Variants in CYB5R1 observed in about 807,000 individuals in gnomAD.
CYB5R1 encodes the protein NADH-cytochrome b5 reductase 1.
CYB5R1 carries 32 observed loss-of-function variants against 37.4 expected under a neutral mutation model. The observed-to-expected ratio is 0.86, with a 90% confidence interval of 0.65 to 1.15. The LOEUF (loss-of-function observed/expected upper bound fraction) is 1.15. CYB5R1 is among the 50% of genes most tolerant of loss of function. The pLI is 0.00. For synonymous variants in CYB5R1, 159 were observed against 155.2 expected (o/e 1.02, Z -0.18); for missense variants, 345 against 382.5 (o/e 0.90, Z 0.82).
In CYB5R1 at chr1:202,967,248, C is replaced by A. The variant is rs773933353; in HGVS notation, c.-43G>T. The A allele has an allele frequency of 6.2e-7, 1 of 1,606,796 alleles. No homozygotes were observed. The highest frequency in any genetic ancestry group is 1.7e-5 in the Admixed American group (1 of 59,648). On this transcript the variant is annotated 5_prime_UTR_variant, in exon 1 of 9. Coordinates refer to ENST00000367249, the MANE Select transcript of CYB5R1 (RefSeq NM_016243.3). ...TCCACCACCTGACAAGCCGACAGATCCCACAATGCGCCGCGGGGCGGGTCG... is the reference window on the plus strand; with the variant it reads ...TCCACCACCTGACAAGCCGACAGATACCACAATGCGCCGCGGGGCGGGTCG...
intron 6 of CYB5R1, 108 bp from the exon 7 acceptor site, chr1:202,963,835 A>C: frequency 1.7e-6 from 1 of 588,452 alleles, no homozygotes; most frequent in South Asian, 3.2e-5. Context: ...TCACCACTCC[A>C]CTCCATTTTC....
At chr1:202,962,952 C>T (rs752252253) in intron 8 of CYB5R1, 114 bp downstream of exon 8, 49 of 1,070,552 alleles carry the variant, frequency 4.6e-5, no homozygotes, top group Middle Eastern at 2.0e-4. Context: ...CTCAGACTTC[C>T]GAGTTGGCAG....
chr1:202,964,566 C>T (rs755459008), intron 6 of CYB5R1, 46 bp downstream of exon 6: 3 of 1,422,674 alleles, frequency 2.1e-6, no homozygotes, highest in Non-Finnish European at 2.0e-6. Context: ...ATTTGCATGG[C>T]AACAGTCAAC....
intron 8 of CYB5R1, 145 bp downstream of exon 8, chr1:202,962,921 G>C: frequency 3.1e-6 from 3 of 953,370 alleles, no homozygotes; most frequent in Non-Finnish European, 3.4e-6. Flanking sequence ...AAAGGGACCA[G>C]GAGATCACTG....
intron 5 of CYB5R1, chr1:202,964,922 C>T: frequency 1.8e-6 from 1 of 551,398 alleles, no homozygotes; most frequent in Non-Finnish European, 3.3e-6. Flanking sequence ...CACAATGTAT[C>T]AGCTGCTTCT....
At position 202,962,215 on chromosome 1, in the gene CYB5R1, A is replaced by C. The variant is rs572150243; in HGVS notation, c.*312T>G. The C allele has an allele frequency of 3.1e-5, 9 of 287,110 alleles. No homozygotes were observed. The South Asian group carries it at 8.1e-4, about 26-fold the overall frequency. The allele number at this position is 287,110 out of a possible 1,614,324, so 17.8% of individuals were successfully genotyped here. On this transcript the variant is annotated 3_prime_UTR_variant, in exon 9 of 9. Transcript: ENST00000367249. The stretch of plus-strand genomic sequence containing the variant: ...ACAAAGAAGGTGAGAGTAAGATGCT[A>C]TCAAGGAACTAGCCAATCTTGGACC...
In CYB5R1 at chr1:202,964,613, T is replaced by C. The variant is rs1185669632; in HGVS notation, c.558A>G (p.Thr186=). The change falls in exon 6 of 9, where the codon ACA becomes ACG. Residue 186 remains threonine (T), a splice_region_variant and synonymous_variant. Coordinates refer to ENST00000367249, the MANE Select transcript of CYB5R1 (RefSeq NM_016243.3). ...AKKLGMIAGG[T]GITPMLQLIR... is the part of the protein sequence containing the mutation. ...AGAAAGGCCCTCAGTGTAATGCACC[T>C]GTCCCGCCGGCAATCATTCCCAGTT... The C allele has an allele frequency of 6.2e-7, 1 of 1,610,782 alleles. No homozygotes were observed. Among genetic ancestry groups the C allele is most frequent in the South Asian group, 1.1e-5 (1 of 91,002 alleles).
chr1:202,963,906 C>A, intron 6 of CYB5R1, 179 bp from the exon 7 acceptor site: 1 of 456,106 alleles, frequency 2.2e-6, no homozygotes, highest in Non-Finnish European at 4.0e-6. Flanking sequence ...TATTTCCGGG[C>A]ACCCTTCAAA....
Position 202,966,368 on chromosome 1 carries a change from C to T in CYB5R1, c.238+160G>A, listed in dbSNP as rs57890961. ...TCATGGAAGCCACACTCTAGAGGGG[C>T]CCAGTGGCACCTCACAGCTTGGAGG... On this transcript the variant is annotated intron_variant, in intron 3 of 8. Coordinates refer to ENST00000367249, the MANE Select transcript of CYB5R1 (RefSeq NM_016243.3). 59 of 763,458 alleles carry T rather than the reference C, an allele frequency of 7.7e-5. No homozygotes were observed. The African/African-American group carries it at 9.7e-4, about 13-fold the overall frequency. The allele number at this position is 763,458 out of a possible 1,614,324, so 47.3% of individuals were successfully genotyped here.
At chr1:202,966,417 G>A in intron 3 of CYB5R1, 111 bp downstream of exon 3, 1 of 1,256,454 alleles carries the variant, frequency 8.0e-7, no homozygotes, top group East Asian at 2.4e-5. Context: ...TGGGGGAAGG[G>A]GAATGGTGTG....
rs781467504 is a variant in CYB5R1 at position 202,962,643 on chromosome 1, C to T, written c.802G>A (p.Ala268Thr). The change falls in exon 9 of 9, where the codon GCT (alanine) becomes ACT (threonine). Residue 268 changes from alanine (A) to threonine (T), a missense_variant. Transcript: ENST00000367249. ...TADMIREHLP[A>T]PGDDVLVLLC... is the part of the protein sequence containing the mutation. ...AGTACCAGCACATCATCCCCTGGAG[C>T]GGGCAGGTGTTCCCGGATCATGTCG... 33 of 1,614,004 alleles carry T rather than the reference C, an allele frequency of 2.0e-5. No individual in the cohort carries two copies. Among genetic ancestry groups the T allele is most frequent in the East Asian group, 8.9e-5 (4 of 44,886 alleles).
chr1:202,964,866 T>TGAGG (rs1655055436), intron 5 of CYB5R1, 171 bp from the exon 6 acceptor site: 3 of 624,488 alleles, frequency 4.8e-6, no homozygotes, highest in Non-Finnish European at 5.8e-6. Context: ...ATAATATAGT[T>TGAGG]GAGGGACAAT....
chr1:202,966,939 G>A (rs756048880), intron 1 of CYB5R1, 41 bp from the exon 2 acceptor site: 13 of 1,558,706 alleles, frequency 8.3e-6, no homozygotes, highest in African/African-American at 1.4e-5. Context: ...GGCTGGGTAA[G>A]AGCCCGGGGC....
chr1:202,964,404 GT>G (rs1655045729), intron 6 of CYB5R1: 1 of 578,092 alleles, frequency 1.7e-6, no homozygotes, highest in Non-Finnish European at 3.1e-6. Flanking sequence ...CATTTAATTT[GT>G]TTCTCTAATT....
At chr1:202,964,470 T>C (rs1655047151) in intron 6 of CYB5R1, 142 bp downstream of exon 6, 2 of 728,046 alleles carry the variant, frequency 2.7e-6, no homozygotes, top group Non-Finnish European at 4.9e-6. Flanking sequence ...GTTTTTCAGA[T>C]ACTAGGGAGT....
chr1:202,966,769 G>A lies in CYB5R1; in HGVS notation c.145C>T (p.Leu49=). Residue 49 remains leucine (L), a synonymous_variant, in exon 2 of 9, where the codon CTA becomes TTA. Transcript: ENST00000367249. ...CTTACCGTCTTGTCTAGCAGTCGTA[G>A]CAGGTACTTTTCATTGGGGTCCAGG... ...TLLDPNEKYL[L]RLLDKTTVSH... 6.2e-7 allele frequency: 1 copy of A among 1,614,132 alleles called. No homozygotes were observed. Among genetic ancestry groups the A allele is most frequent in the Middle Eastern group, 1.6e-4 (1 of 6,062 alleles).
chr1:202,963,620 G>C, intron 7 of CYB5R1, 22 bp downstream of exon 7: 2 of 1,565,236 alleles, frequency 1.3e-6, no homozygotes, highest in East Asian at 4.6e-5. Context: ...TGAAGTCTTA[G>C]GGTGGAGGAA....
In CYB5R1 at chr1:202,965,086, C is replaced by A. The variant is rs1271870524; in HGVS notation, c.475+285G>T. 19 of 402,474 alleles carry A rather than the reference C, an allele frequency of 4.7e-5. No homozygotes were observed. In the Admixed American group the frequency reaches 8.4e-4, roughly 18 times the overall value. The allele number at this position is 402,474 out of a possible 1,614,324, so 24.9% of individuals were successfully genotyped here. Reference sequence around the variant, plus strand: ...GCTATCTCTGGCTCACTCCACAGCTCACCCAGGGGGGCAAATTTTTGAAGG... The same window carrying A: ...GCTATCTCTGGCTCACTCCACAGCTAACCCAGGGGGGCAAATTTTTGAAGG... On this transcript the variant is annotated intron_variant, in intron 5 of 8. Coordinates refer to ENST00000367249, the MANE Select transcript of CYB5R1 (RefSeq NM_016243.3).
In CYB5R1 at chr1:202,965,406, C is replaced by T. The variant is rs775782124; in HGVS notation, c.440G>A (p.Arg147Gln). The T allele has an allele frequency of 1.2e-6, 2 of 1,603,290 alleles. No homozygotes were observed. The highest frequency in any genetic ancestry group is 1.1e-5 in the South Asian group (1 of 89,846). The change falls in exon 5 of 9, where the codon CGG (arginine) becomes CAG (glutamine). Residue 147 changes from arginine (R) to glutamine (Q), a missense_variant. By Grantham distance (43) the Arg-to-Gln change is conservative. Coordinates refer to ENST00000367249, the MANE Select transcript of CYB5R1 (RefSeq NM_016243.3). ...SLKVGDVVEF[R>Q]GPSGLLTYTG... ...GTAAGTGAGCAACCCGCTTGGCCCC[C>T]GAAACTCCACCACATCCCCAACCTT...
Sources: gnomAD v4.1 joint callset for allele counts on GRCh38, gnomAD v4.1.1 for gene constraint, MANE v1.5 for transcripts, NCBI Gene and HGNC (gene_info 2026-07-23, HGNC 2026-07-21) for gene names.